Variants in ALOX5 observed in about 807,000 individuals in gnomAD.
ALOX5 encodes the protein arachidonate 5-lipoxygenase.
ALOX5 carries 64 observed loss-of-function variants against 87.9 expected under a neutral mutation model. The observed-to-expected ratio is 0.73, with a 90% CI of 0.60 to 0.90. The LOEUF is 0.90. Among genes scored for constraint, ALOX5 ranks in the 40% least tolerant of loss-of-function variants. The pLI is 0.00. For synonymous variants in ALOX5, 388 were observed against 355.1 expected (o/e 1.09, Z -1.04); for missense variants, 822 against 907.5 (o/e 0.91, Z 1.21).
intron 4 of ALOX5, among the ~76,000 whole-genome samples, chr10:45,418,271 G>C (rs1375063810): frequency 6.6e-6 from 1 of 152,128 alleles, no homozygotes; most frequent in Non-Finnish European, 1.5e-5. Context: ...GGGTGCCTGG[G>C]AGAGGGCCCT....
chr10:45,428,295 A>C, intron 6 of ALOX5: 1 of 395,964 alleles, frequency 2.5e-6, no homozygotes, highest in Non-Finnish European at 4.6e-6. Flanking sequence ...CGTCACATCT[A>C]TTTCACCTAA....
intron 7 of ALOX5, among the ~76,000 whole-genome samples, chr10:45,439,175 T>G (rs1262835179): frequency 6.6e-6 from 1 of 152,232 alleles, no homozygotes; most frequent in Non-Finnish European, 1.5e-5. Flanking sequence ...CCTGTTTCCT[T>G]TTATTTTTAT....
At position 45,412,271 on chromosome 10, in the gene ALOX5, A is replaced by T. The variant is rs760364642; in HGVS notation, c.512A>T (p.Asp171Val). ...HKDLPRDIQF[D>V]SEKGVDFVLN... is the part of the protein sequence containing the mutation. ...GATTTACCCCGTGATATCCAGTTTG[A>T]TAGTGAAAAAGGAGTGGACTTTGTT... The change falls in exon 4 of 14, where the codon GAT becomes GTT. Residue 171 changes from aspartate to valine, a missense_variant. By Grantham distance (152) the Asp-to-Val change is radical (BLOSUM62 -3). Transcript: ENST00000374391. 6.2e-7 allele frequency: 1 copy of T among 1,614,146 alleles called. No individual in the cohort carries two copies.
intron 2 of ALOX5, among the ~76,000 whole-genome samples, chr10:45,386,067 C>T (rs1347877548): frequency 1.3e-5 from 2 of 151,914 alleles, no homozygotes; most frequent in East Asian, 1.9e-4. Context: ...AGCTAGGGGC[C>T]GAGGCGGGTG....
chr10:45,433,168 C>T lies in ALOX5; in HGVS notation c.981+4404C>T, dbSNP rs149109592. ...GGTAACTCCCAGACACCAGCAAGGA[C>T]GGAGCCCCATGCTCTGCTCATGAGT... is the stretch of plus-strand genomic sequence containing the variant. On this transcript the variant is annotated intron_variant, in intron 7 of 13. Transcript: ENST00000374391. Among the ~76,000 whole-genome samples the T allele has an allele frequency of 3.9e-3, 594 of 152,354 alleles. 6 individuals carry two copies. Among genetic ancestry groups the T allele is most frequent in the Middle Eastern group, 6.8e-3 (2 of 294 alleles).
At chr10:45,437,805 G>C (rs1240212423) in intron 7 of ALOX5, among the ~76,000 whole-genome samples, 1 of 152,250 alleles carries the variant, frequency 6.6e-6, no homozygotes, top group Non-Finnish European at 1.5e-5. Flanking sequence ...ATGGAGACAG[G>C]ACACGGTAGC....
In ALOX5 at chr10:45,423,493, C is replaced by G. The variant is rs144064711; in HGVS notation, c.555-548C>G. On this transcript the variant is annotated intron_variant, in intron 4 of 13. Coordinates refer to ENST00000374391, the MANE Select transcript of ALOX5 (RefSeq NM_000698.5). ...AAGCCCTGGGGATTGCTCATACACT[C>G]ACATCTCACTCCTTAGTACCTGCAG... Among the ~76,000 whole-genome samples, 1,049 of 152,332 alleles carry G rather than the reference C, an allele frequency of 6.9e-3. 5 individuals carry two copies. Among genetic ancestry groups the G allele is most frequent in the Non-Finnish European group, 0.011 (746 of 68,028 alleles).
chr10:45,400,486 C>T (rs1840660934), intron 3 of ALOX5, among the ~76,000 whole-genome samples: 1 of 152,076 alleles, frequency 6.6e-6, no homozygotes, highest in Admixed American at 6.5e-5. Context: ...GTAATCCCAG[C>T]TGCTTGGGAG....
Position 45,380,180 on chromosome 10 carries a change from G to C in ALOX5, c.151-2303G>C, listed in dbSNP as rs556359347. Among the ~76,000 whole-genome samples, 692 of 152,340 alleles carry C rather than the reference G, an allele frequency of 4.5e-3. 6 individuals carry two copies. Among genetic ancestry groups the C allele is most frequent in the South Asian group, 0.014 (70 of 4,830 alleles). ...CCTGAGGACAAGCTGTGGCAGGAAGGCTTTCTCAGAGGTGGCAGATGAGGC... is the reference window on the plus strand; with the variant it reads ...CCTGAGGACAAGCTGTGGCAGGAAGCCTTTCTCAGAGGTGGCAGATGAGGC... On this transcript the variant is annotated intron_variant, in intron 1 of 13. Coordinates refer to ENST00000374391, the MANE Select transcript of ALOX5 (RefSeq NM_000698.5).
intron 2 of ALOX5, among the ~76,000 whole-genome samples, chr10:45,391,046 C>G (rs191874916): frequency 0.012 from 1,387 of 115,574 alleles, 32 homozygotes; most frequent in East Asian, 0.038. Context: ...TCCCATCTCC[C>G]CTCTCCCCTC....
At position 45,430,749 on chromosome 10, in the gene ALOX5, TTG is replaced by T. The variant is rs531520421; in HGVS notation, c.981+1987_981+1988del. On this transcript the variant is annotated intron_variant, in intron 7 of 13. Coordinates refer to ENST00000374391, the MANE Select transcript of ALOX5 (RefSeq NM_000698.5). ...CTAGGAAAAGATAAATTAGAAGAAA[TTG>T]TAGAAAATAGGCCAATTTCCATATA... 2.6e-3 allele frequency among the ~76,000 whole-genome samples: 395 copies of T among 151,928 alleles called. 1 individual carries two copies. Among genetic ancestry groups the T allele is most frequent in the African/African-American group, 8.9e-3 (370 of 41,412 alleles).
chr10:45,430,896 T>G (rs1485751041), intron 7 of ALOX5, among the ~76,000 whole-genome samples: 1 of 152,194 alleles, frequency 6.6e-6, no homozygotes, highest in Non-Finnish European at 1.5e-5. Context: ...GTAAGCTTAG[T>G]TCTGAAACTG....
intron 9 of ALOX5, among the ~76,000 whole-genome samples, chr10:45,441,808 G>A (rs1394498335): frequency 6.6e-6 from 1 of 151,828 alleles, no homozygotes. Context: ...CCCTGACCTG[G>A]ACCTCCCCAG....
At chr10:45,428,970 C>T (rs552415032) in intron 7 of ALOX5, among the ~76,000 whole-genome samples, 1 of 152,004 alleles carries the variant, frequency 6.6e-6, no homozygotes, top group Non-Finnish European at 1.5e-5. Context: ...CCAGTCGAGG[C>T]ACACTGTGGA....
chr10:45,413,393 C>A (rs373275042), intron 4 of ALOX5, among the ~76,000 whole-genome samples: 9 of 152,180 alleles, frequency 5.9e-5, no homozygotes, highest in African/African-American at 2.2e-4. Context: ...AATTCAACAA[C>A]CATTCATGCT....
At chr10:45,426,978 G>T (rs1331045342) in intron 6 of ALOX5, among the ~76,000 whole-genome samples, 2 of 152,186 alleles carry the variant, frequency 1.3e-5, no homozygotes, top group Non-Finnish European at 2.9e-5. Flanking sequence ...GATTCTGTGA[G>T]CCAGTGCCCA....
chr10:45,430,980 G>GT (rs1254050361), intron 7 of ALOX5, among the ~76,000 whole-genome samples: 2 of 152,202 alleles, frequency 1.3e-5, no homozygotes, highest in Non-Finnish European at 2.9e-5. Flanking sequence ...AAAACTAAAG[G>GT]TGATATTAGC....
At chr10:45,428,486 A>C in intron 6 of ALOX5, 132 bp from the exon 7 acceptor site, 1 of 1,141,118 alleles carries the variant, frequency 8.8e-7, no homozygotes, top group Non-Finnish European at 1.2e-6. Context: ...AGAGGAGAGA[A>C]GTACACATTC....
intron 12 of ALOX5, 140 bp downstream of exon 12, chr10:45,443,968 T>C: frequency 1.4e-6 from 2 of 1,434,762 alleles, no homozygotes; most frequent in South Asian, 1.3e-5. Context: ...TTCTGCCCGC[T>C]CAGCCAAGGG....
Sources: allele counts gnomAD v4.1 joint callset (sites outside exome capture counted in the v4.1 genomes callset), GRCh38; gene constraint gnomAD v4.1.1; transcripts MANE v1.5; gene names NCBI Gene and HGNC (gene_info 2026-07-23, HGNC 2026-07-21).